The following ELP4 variants were observed in gnomAD, a reference collection of about 807,000 sequenced individuals.
ELP4 encodes the protein elongator complex protein 4.
Under a neutral mutation model 48.9 loss-of-function variants are expected in ELP4, and 51 were observed. The ratio of observed to expected loss-of-function variants is 1.04; its 90% CI spans 0.83 to 1.32. The LOEUF (loss-of-function observed/expected upper bound fraction) is 1.32. Among genes scored for constraint, ELP4 ranks in the 40% most tolerant of loss-of-function variants. The pLI is 0.00. For synonymous variants in ELP4, 210 were observed against 189.2 expected, an observed-to-expected ratio of 1.11 and a Z score of -0.90; for missense variants, 519 against 514.6, an observed-to-expected ratio of 1.01 and a Z score of -0.08.
chr11:31,726,999 A>G (rs1947089494), intron 9 of ELP4, among the ~76,000 whole-genome samples: 1 of 152,170 alleles, frequency 6.6e-6, no homozygotes, highest in Non-Finnish European at 1.5e-5. Context: ...TTCAAAATGA[A>G]ATATATTTTT....
At chr11:31,561,884 G>A (rs567357089) in intron 3 of ELP4, among the ~76,000 whole-genome samples, 1 of 152,304 alleles carries the variant, frequency 6.6e-6, no homozygotes, top group African/African-American at 2.4e-5. Flanking sequence ...GTTGCTAACA[G>A]TTTGATGGCT....
chr11:31,522,756 A>G (rs1213726273), intron 2 of ELP4, among the ~76,000 whole-genome samples: 1 of 152,094 alleles, frequency 6.6e-6, no homozygotes, highest in Non-Finnish European at 1.5e-5. Context: ...GCCAACAATT[A>G]TATCAGTTCA....
At chr11:31,756,383 A>AT (rs1947832243) in intron 9 of ELP4, among the ~76,000 whole-genome samples, 1 of 152,148 alleles carries the variant, frequency 6.6e-6, no homozygotes, top group African/African-American at 2.4e-5. Flanking sequence ...TTCTGGCACA[A>AT]ACCATAATCA....
At chr11:31,604,804 A>G (rs1322829477) in intron 5 of ELP4, among the ~76,000 whole-genome samples, 1 of 151,934 alleles carries the variant, frequency 6.6e-6, no homozygotes, top group Non-Finnish European at 1.5e-5. Flanking sequence ...TCACTTTATT[A>G]TGGAGTTCTC....
At chr11:31,680,852 T>A (rs926637239) in intron 9 of ELP4, among the ~76,000 whole-genome samples, 1 of 152,188 alleles carries the variant, frequency 6.6e-6, no homozygotes, top group Non-Finnish European at 1.5e-5. Flanking sequence ...AAAGCGATCA[T>A]GTTGAAATAA....
intron 9 of ELP4, among the ~76,000 whole-genome samples, chr11:31,731,022 T>C (rs1362460052): frequency 6.6e-6 from 1 of 151,880 alleles, no homozygotes; most frequent in Admixed American, 6.6e-5. Context: ...CACACAAGTT[T>C]AGAGAAGACA....
intron 3 of ELP4, among the ~76,000 whole-genome samples, chr11:31,575,251 A>G (rs1386306110): frequency 6.6e-6 from 1 of 152,222 alleles, no homozygotes; most frequent in Non-Finnish European, 1.5e-5. Flanking sequence ...AAAAGACTAA[A>G]AAGAAATGAA....
At chr11:31,533,085 G>A (rs1474133161) in intron 2 of ELP4, among the ~76,000 whole-genome samples, 3 of 151,778 alleles carry the variant, frequency 2.0e-5, no homozygotes, top group Non-Finnish European at 4.4e-5. Context: ...CACAAGTACA[G>A]ATTTTTTACA....
intron 6 of ELP4, among the ~76,000 whole-genome samples, chr11:31,629,084 G>A (rs1182511051): frequency 1.3e-5 from 2 of 151,980 alleles, no homozygotes; most frequent in Non-Finnish European, 2.9e-5. Flanking sequence ...AGCCTTGGTA[G>A]TAAGTAAAGT....
intron 3 of ELP4, among the ~76,000 whole-genome samples, chr11:31,582,518 A>C (rs976180787): frequency 1.3e-5 from 2 of 152,020 alleles, no homozygotes; most frequent in Non-Finnish European, 1.5e-5. Context: ...TTTTACAATA[A>C]ATATTACTGT....
At chr11:31,531,407 A>C (rs553269109) in intron 2 of ELP4, among the ~76,000 whole-genome samples, 1 of 152,320 alleles carries the variant, frequency 6.6e-6, no homozygotes, top group South Asian at 2.1e-4. Flanking sequence ...GAGGAATTTC[A>C]GGAATGTTTA....
At chr11:31,531,383 C>A (rs1332390846) in intron 2 of ELP4, among the ~76,000 whole-genome samples, 1 of 152,132 alleles carries the variant, frequency 6.6e-6, no homozygotes, top group African/African-American at 2.4e-5. Context: ...CCATAATAAT[C>A]TTTTAGCTTC....
chr11:31,604,885 G>A (rs1211224980), intron 5 of ELP4, among the ~76,000 whole-genome samples: 1 of 151,912 alleles, frequency 6.6e-6, no homozygotes, highest in Non-Finnish European at 1.5e-5. Flanking sequence ...TACCATTAAT[G>A]TATTACTGCT....
chr11:31,706,788 G>C (rs991176717), intron 9 of ELP4, among the ~76,000 whole-genome samples: 9 of 151,862 alleles, frequency 5.9e-5, no homozygotes, highest in Admixed American at 5.9e-4. Flanking sequence ...ATACTTCTAT[G>C]ACATGAACAT....
intron 9 of ELP4, among the ~76,000 whole-genome samples, chr11:31,742,669 G>C (rs943089507): frequency 6.6e-6 from 1 of 152,134 alleles, no homozygotes; most frequent in African/African-American, 2.4e-5. Context: ...AAGTGAAGGA[G>C]AAATAAAATA....
intron 3 of ELP4, among the ~76,000 whole-genome samples, chr11:31,594,506 A>G (rs1006971325): frequency 6.6e-6 from 1 of 152,146 alleles, no homozygotes; most frequent in Non-Finnish European, 1.5e-5. Flanking sequence ...CTCTTGTTAG[A>G]ATGGCAATTG....
chr11:31,565,782 T>G (rs1032843461), intron 3 of ELP4, among the ~76,000 whole-genome samples: 1 of 152,094 alleles, frequency 6.6e-6, no homozygotes, highest in Admixed American at 6.6e-5. Flanking sequence ...TGTAGCCTTG[T>G]AGTATAGTTT....
At chr11:31,707,140 T>C (rs1040258391) in intron 9 of ELP4, 7 of 395,688 alleles carry the variant, frequency 1.8e-5, no homozygotes, top group Non-Finnish European at 3.1e-5. Flanking sequence ...ATTTGCAGTT[T>C]CTTGAGAACC....
chr11:31,523,520 A>G (rs1956249407), intron 2 of ELP4, among the ~76,000 whole-genome samples: 1 of 152,184 alleles, frequency 6.6e-6, no homozygotes. Context: ...TTACAGCTTC[A>G]GTAGCAATTT....
Sources: allele counts gnomAD v4.1 joint callset (sites outside exome capture counted in the v4.1 genomes callset), GRCh38; gene constraint gnomAD v4.1.1; transcripts MANE v1.5; gene names NCBI Gene and HGNC (gene_info 2026-07-23, HGNC 2026-07-21).